ZNF674: variants seen among roughly 807,000 people sequenced by gnomAD.
ZNF674 encodes zinc finger protein 674, also known as zinc finger family member 674.
A neutral mutation model predicts 7.0 loss-of-function variants in ZNF674; 2 were observed. The ratio of observed to expected loss-of-function variants is 0.29; its 90% CI spans 0.12 to 0.90. ZNF674 has a LOEUF of 0.90. Ranked by LOEUF, ZNF674 falls within the 40% of genes least tolerant of loss-of-function variation. ZNF674 has a pLI of 0.57. For synonymous variants in ZNF674, 103 were observed against 145.2 expected, an observed-to-expected ratio of 0.71 and a Z score of 2.09; for missense variants, 297 against 415.5, an observed-to-expected ratio of 0.71 and a Z score of 2.48.
chrX:46,536,756 C>CA (rs1478957922), intron 3 of ZNF674, among the ~76,000 whole-genome samples: 2 of 107,124 alleles, frequency 1.9e-5, no homozygotes, highest in African/African-American at 3.4e-5. Context: ...GACTCTGTCT[C>CA]AAAAAAAAGG....
At chrX:46,532,479 G>A (rs68126850) in intron 3 of ZNF674, among the ~76,000 whole-genome samples, 1 of 111,801 alleles carries the variant, frequency 8.9e-6, no homozygotes, top group South Asian at 3.7e-4. Context: ...TAGAGAGAGA[G>A]AAAAAACATC....
intron 3 of ZNF674, among the ~76,000 whole-genome samples, chrX:46,532,485 A>C (rs1446408225): frequency 8.9e-6 from 1 of 112,188 alleles, no homozygotes; most frequent in Non-Finnish European, 1.9e-5. Context: ...GAGAGAAAAA[A>C]CATCAATGGA....
intron 5 of ZNF674, among the ~76,000 whole-genome samples, chrX:46,518,766 G>A (rs1486995945): frequency 9.2e-6 from 1 of 108,411 alleles, no homozygotes; most frequent in African/African-American, 3.4e-5. Flanking sequence ...GGTGGCTGTA[G>A]TCCCAGCTAC....
chrX:46,529,107 A>G, intron 3 of ZNF674, 198 bp from the exon 4 acceptor site: 1 of 703,065 alleles, frequency 1.4e-6, no homozygotes, highest in Non-Finnish European at 2.1e-6. Flanking sequence ...TAACCAGTCC[A>G]GGTCACACAG....
In ZNF674 at chrX:46,528,440, G is replaced by A. The variant is rs755396940; in HGVS notation, c.148C>T (p.Leu50=). The A allele has an allele frequency of 1.8e-5, 22 of 1,207,256 alleles. No homozygotes were observed. The highest frequency in any genetic ancestry group is 1.5e-5 in the Non-Finnish European group (13 of 892,970). ...AAGATCACATCTGGCTTCCCAACTA[G>A]ATGCCCTGTTTAGGGGACATGACAT... The part of the protein sequence containing the change: ...NYSHLVSVGH[L]VGKPDVIFRL... Residue 50 remains leucine (L), a synonymous_variant, in exon 5 of 6, where the codon CTA becomes TTA. Coordinates refer to ENST00000683375, the MANE Select transcript of ZNF674 (RefSeq NM_001190417.2).
chrX:46,528,067 G>A, intron 5 of ZNF674: 1 of 422,656 alleles, frequency 2.4e-6, no homozygotes, highest in Non-Finnish European at 4.1e-6. Context: ...GAAGGGGCTT[G>A]GCACTTCTCA....
intron 5 of ZNF674, among the ~76,000 whole-genome samples, chrX:46,515,641 T>C (rs34432595): frequency 0.037 from 4,116 of 111,155 alleles, 201 homozygotes; most frequent in African/African-American, 0.13. Flanking sequence ...GGAGACAGGG[T>C]CTTGCTCTAT....
At chrX:46,538,695 C>T (rs1317623541) in intron 3 of ZNF674, among the ~76,000 whole-genome samples, 1 of 111,502 alleles carries the variant, frequency 9.0e-6, no homozygotes, top group Non-Finnish European at 1.9e-5. Context: ...CATTGGAGAA[C>T]AACCTGGCCA....
chrX:46,505,542 G>A (rs989972811), intron 5 of ZNF674, among the ~76,000 whole-genome samples: 3 of 111,627 alleles, frequency 2.7e-5, no homozygotes, highest in Non-Finnish European at 5.7e-5. Flanking sequence ...GGGCCGAGGC[G>A]GATGTATCAC....
intron 5 of ZNF674, among the ~76,000 whole-genome samples, chrX:46,506,497 G>C (rs977075032): frequency 9.0e-6 from 1 of 111,142 alleles, no homozygotes; most frequent in African/African-American, 3.3e-5. Flanking sequence ...ATCCCATATG[G>C]GGATATGTCA....
intron 3 of ZNF674, among the ~76,000 whole-genome samples, chrX:46,534,666 G>A (rs771247280): frequency 6.4e-5 from 7 of 109,809 alleles, no homozygotes; most frequent in Non-Finnish European, 1.1e-4. Context: ...CAGCCTTAGA[G>A]ATTTAAATGT....
intron 4 of ZNF674, 147 bp downstream of exon 4, chrX:46,528,636 T>A: frequency 7.3e-6 from 8 of 1,099,956 alleles, no homozygotes; most frequent in Non-Finnish European, 9.8e-6. Flanking sequence ...CAAAGGAGAC[T>A]ACAAATACTA....
intron 3 of ZNF674, chrX:46,529,640 G>T (rs1490828187): frequency 3.9e-5 from 4 of 103,862 alleles, no homozygotes; most frequent in Non-Finnish European, 7.8e-5. Flanking sequence ...TTGCACTCCA[G>T]CCTGGGCAAC....
intron 3 of ZNF674, among the ~76,000 whole-genome samples, chrX:46,535,636 A>G (rs946763985): frequency 1.8e-5 from 2 of 112,252 alleles, no homozygotes; most frequent in African/African-American, 6.5e-5. Flanking sequence ...AGTCTTAAAA[A>G]CTAAAAAGGT....
Position 46,533,853 on chromosome X carries a change from T to C in ZNF674, c.16-4944A>G, listed in dbSNP as rs1471327647. Among the ~76,000 whole-genome samples, 421 of 73,838 alleles carry C rather than the reference T, an allele frequency of 5.7e-3. 7 individuals are homozygous for C. The highest frequency in any genetic ancestry group is 0.015 in the African/African-American group (247 of 16,907). 64.1% of individuals were successfully genotyped at this position (73,838 alleles called of 115,157 possible). A position where few individuals can be genotyped will look rare whatever the true frequency, so the allele number is the denominator to read the frequency against. On this transcript the variant is annotated intron_variant, in intron 3 of 5. Transcript: ENST00000683375. ...AAATATATATATATATATATATATA[T>C]ACACACACACACACATAAAATCTAT... is the stretch of plus-strand genomic sequence containing the variant.
At chrX:46,528,318 T>A (rs1942045853) in intron 5 of ZNF674, 32 bp downstream of exon 5, 4 of 1,203,514 alleles carry the variant, frequency 3.3e-6, no homozygotes, top group Admixed American at 4.4e-5. Context: ...TGGTCCCTTT[T>A]CCCTGGCCTG....
In ZNF674 at chrX:46,528,876, A is replaced by G. The variant is rs1942057162; in HGVS notation, c.49T>C (p.Phe17Leu). 2 of 1,211,703 alleles carry G rather than the reference A, an allele frequency of 1.7e-6. No individual in the cohort carries two copies. Among genetic ancestry groups the G allele is most frequent in the East Asian group, 5.9e-5 (2 of 33,837 alleles). ...AGTTGCTGCCACTCCTCCAGGGTGA[A>G]GTCCACAAACACGTCCTTGAAGGTC... ...SLTFKDVFVD[F>L]TLEEWQQLDS... The change falls in exon 4 of 6, where the codon TTC becomes CTC. Residue 17 changes from phenylalanine to leucine, a missense_variant. Transcript: ENST00000683375.
intron 2 of ZNF674, 61 bp downstream of exon 2, chrX:46,544,440 A>G (rs755987628): frequency 8.9e-6 from 1 of 112,224 alleles, no homozygotes; most frequent in South Asian, 3.7e-4. Flanking sequence ...AGAGACAAAC[A>G]CACCCCAGTT....
intron 5 of ZNF674, chrX:46,528,018 T>C (rs1398959730): frequency 1.2e-5 from 4 of 341,407 alleles, no homozygotes; most frequent in Non-Finnish European, 2.0e-5. Flanking sequence ...GGAGAAAAAG[T>C]TCTAAAAGCT....
Sources: allele counts gnomAD v4.1 joint callset (sites outside exome capture counted in the v4.1 genomes callset), GRCh38; gene constraint gnomAD v4.1.1; transcripts MANE v1.5; gene names NCBI Gene and HGNC (gene_info 2026-07-23, HGNC 2026-07-21).